PSPC1: variants seen among roughly 807,000 people sequenced by gnomAD.
PSPC1 encodes paraspeckle protein 1.
Under a neutral mutation model 51.6 loss-of-function variants are expected in PSPC1, and 14 were observed. The ratio of observed to expected loss-of-function variants is 0.27; its 90% confidence interval spans 0.18 to 0.42. The LOEUF (loss-of-function observed/expected upper bound fraction) is 0.42. PSPC1 is among the 10% of genes least tolerant of loss of function. PSPC1 has a pLI of 1.00. For missense variants in PSPC1, 406 were observed against 701.1 expected (o/e 0.58, Z 4.75); for synonymous variants, 193 against 231.9 (o/e 0.83, Z 1.53).
At chr13:19,731,704 A>T (rs780047754) in intron 5 of PSPC1, among the ~76,000 whole-genome samples, 3 of 152,134 alleles carry the variant, frequency 2.0e-5, no homozygotes, top group Admixed American at 2.0e-4. Context: ...GTGAGCCCCA[A>T]CACCCCGGCT....
intron 6 of PSPC1, among the ~76,000 whole-genome samples, chr13:19,727,745 C>T (rs2137903527): frequency 6.6e-6 from 1 of 152,218 alleles, no homozygotes; most frequent in Middle Eastern, 3.4e-3. Flanking sequence ...TTATAAAAAA[C>T]AATCTCATAA....
At position 19,782,876 on chromosome 13, in the gene PSPC1, G is replaced by A. The variant is rs1179614685; in HGVS notation, c.-119C>T. The A allele has an allele frequency of 2.5e-6, 3 of 1,210,784 alleles. No individual in the cohort carries two copies. The highest frequency in any genetic ancestry group is 2.8e-5 in the East Asian group (1 of 35,158). The allele number at this position is 1,210,784 out of a possible 1,614,324, so 75.0% of individuals were successfully genotyped here. A position where few individuals can be genotyped will look rare whatever the true frequency, so the allele number is the denominator to read the frequency against. On this transcript the variant is annotated 5_prime_UTR_variant, in exon 1 of 9. Transcript: ENST00000338910. This position sits in a 1 kb window ranked among gnomAD's most constrained non-coding sequence, Gnocchi z 4.5. ...ACAAAATATCGACAATCAAGAGACCGCTAGGTAGGCGAGTCGGCAACCCGT... is the reference window on the plus strand; with the variant it reads ...ACAAAATATCGACAATCAAGAGACCACTAGGTAGGCGAGTCGGCAACCCGT...
intron 5 of PSPC1, among the ~76,000 whole-genome samples, chr13:19,739,946 A>G (rs1885264139): frequency 6.6e-6 from 1 of 151,320 alleles, no homozygotes; most frequent in Non-Finnish European, 1.5e-5. Context: ...GGGCCTCACC[A>G]CTATTGTTTC....
intron 4 of PSPC1, among the ~76,000 whole-genome samples, chr13:19,744,313 G>T (rs1187680111): frequency 6.6e-6 from 1 of 151,930 alleles, no homozygotes; most frequent in African/African-American, 2.4e-5. Flanking sequence ...CACCTTACTT[G>T]TAACACTGGT....
intron 6 of PSPC1, among the ~76,000 whole-genome samples, chr13:19,682,630 C>T (rs1279369668): frequency 6.6e-6 from 1 of 151,980 alleles, no homozygotes; most frequent in Non-Finnish European, 1.5e-5. Flanking sequence ...ACTAAAATGG[C>T]TAAAATTAAC....
intron 2 of PSPC1, 45 bp from the exon 3 acceptor site, chr13:19,759,463 G>A: frequency 7.9e-7 from 1 of 1,262,032 alleles, no homozygotes. Context: ...ACAGTGCCAA[G>A]AATTAATACC....
intron 1 of PSPC1, among the ~76,000 whole-genome samples, chr13:19,780,974 T>C (rs2138408618): frequency 6.6e-6 from 1 of 151,862 alleles, no homozygotes; most frequent in East Asian, 2.0e-4. Context: ...CTGGACAACA[T>C]GGCGAAACAC....
At chr13:19,742,794 T>C (rs902861573) in intron 4 of PSPC1, among the ~76,000 whole-genome samples, 7 of 152,098 alleles carry the variant, frequency 4.6e-5, no homozygotes, top group African/African-American at 1.7e-4. Flanking sequence ...CCCCAACACA[T>C]GCCTTCAGAG....
intron 6 of PSPC1, among the ~76,000 whole-genome samples, chr13:19,684,394 A>G (rs1877619788): frequency 6.6e-6 from 1 of 152,208 alleles, no homozygotes; most frequent in Non-Finnish European, 1.5e-5. Flanking sequence ...TTAAAAGTTC[A>G]ATATTTCAAG....
chr13:19,698,593 T>C (rs1400231058), downstream of PSPC1, among the ~76,000 whole-genome samples: 1 of 151,878 alleles, frequency 6.6e-6, no homozygotes, highest in Non-Finnish European at 1.5e-5. Context: ...ATGTGAAATT[T>C]GAGTGATTTA....
intron 2 of PSPC1, among the ~76,000 whole-genome samples, chr13:19,764,790 G>C (rs1887908467): frequency 6.6e-6 from 1 of 151,328 alleles, no homozygotes; most frequent in Admixed American, 6.6e-5. Flanking sequence ...CTGCCATGCA[G>C]TGGCATGATC....
At position 19,688,055 on chromosome 13, in the gene PSPC1, C is replaced by A. The variant is rs1878128640; in HGVS notation, c.1159-10232G>T. The stretch of plus-strand genomic sequence containing the variant: ...TGAAGTTGATACCTAGGTATTTCTA[C>A]CTCCCCAAATCTCTGGACACACTCA... On this transcript the variant is annotated intron_variant and NMD_transcript_variant, in intron 6 of 7. Coordinates refer to the PSPC1 transcript ENST00000471658. Among the ~76,000 whole-genome samples the A allele has an allele frequency of 2.0e-5, 3 of 151,964 alleles. No individual in the cohort carries two copies. The South Asian group carries it at 6.3e-4, about 32-fold the overall frequency.
intron 6 of PSPC1, among the ~76,000 whole-genome samples, chr13:19,714,531 T>G (rs1160667090): frequency 6.6e-6 from 1 of 150,862 alleles, no homozygotes; most frequent in African/African-American, 2.4e-5. Context: ...AGTCTCACTC[T>G]GTTGCCCAGG....
At chr13:19,736,764 A>G (rs1389251547) in intron 5 of PSPC1, among the ~76,000 whole-genome samples, 14 of 152,200 alleles carry the variant, frequency 9.2e-5, no homozygotes, top group Admixed American at 2.0e-4. Flanking sequence ...TCAGCAACGT[A>G]TCCTCTATGT....
At chr13:19,697,413 C>A (rs933984768) in intron 6 of PSPC1, among the ~76,000 whole-genome samples, 9 of 152,146 alleles carry the variant, frequency 5.9e-5, no homozygotes, top group Admixed American at 1.3e-4. Flanking sequence ...CCCTAGAAAA[C>A]TAACCAATAC....
chr13:19,695,610 T>A lies in PSPC1; in HGVS notation c.1159-17787A>T, dbSNP rs949527631. On this transcript the variant is annotated intron_variant and NMD_transcript_variant, in intron 6 of 7. Transcript: ENST00000471658. ...GCCCAGTAAGGTAATGCTAGAGCCG[T>A]TAAATATGCATGCTGGTGGGGGAGG... is the stretch of plus-strand genomic sequence containing the variant. Among the ~76,000 whole-genome samples the A allele has an allele frequency of 9.2e-5, 14 of 152,106 alleles. No homozygotes were observed. In the East Asian group the frequency reaches 2.7e-3, roughly 29 times the overall value.
chr13:19,716,546 T>C (rs982683472), intron 6 of PSPC1, among the ~76,000 whole-genome samples: 1 of 152,194 alleles, frequency 6.6e-6, no homozygotes, highest in Non-Finnish European at 1.5e-5. Flanking sequence ...ACCTCTCATG[T>C]TTATCTCAAA....
intron 7 of PSPC1, chr13:19,675,119 T>G (rs917610230): frequency 2.0e-5 from 3 of 152,886 alleles, no homozygotes; most frequent in South Asian, 4.1e-4. Context: ...CAGCACACAC[T>G]CCTTCCTGTG....
At chr13:19,727,034 A>ATC (rs1883431355) in intron 6 of PSPC1, among the ~76,000 whole-genome samples, 1 of 152,256 alleles carries the variant, frequency 6.6e-6, no homozygotes. Flanking sequence ...GAAACCTGAA[A>ATC]AGGGTATGAA....
Sources: gnomAD v4.1 joint callset for allele counts (sites outside exome capture counted in the v4.1 genomes callset) on GRCh38, gnomAD v4.1.1 for gene constraint, Gnocchi (gnomAD v3.1) non-coding constraint, MANE v1.5 for transcripts, NCBI Gene and HGNC (gene_info 2026-07-23, HGNC 2026-07-21) for gene names.